Variants in GRID2 observed in about 807,000 individuals in gnomAD.
GRID2 encodes glutamate receptor ionotropic, delta-2.
In GRID2, 33 loss-of-function variants were observed where a neutral mutation model predicts 114.8. The observed-to-expected ratio is 0.29, with a 90% CI of 0.22 to 0.38. GRID2 has a LOEUF of 0.38. Ranked by LOEUF, GRID2 falls within the 10% of genes least tolerant of loss-of-function variation. The pLI, the probability that GRID2 is intolerant of heterozygous loss-of-function variation, is 1.00. For missense variants in GRID2, 1,184 were observed against 1,257.7 expected, an observed-to-expected ratio of 0.94 and a Z score of 0.89; for synonymous variants, 505 against 449.9, an observed-to-expected ratio of 1.12 and a Z score of -1.55.
chr4:93,363,720 T>A (rs1272943141), intron 8 of GRID2, among the ~76,000 whole-genome samples: 1 of 152,092 alleles, frequency 6.6e-6, no homozygotes, highest in African/African-American at 2.4e-5. Context: ...ACCTTAATTA[T>A]GAAAAACAAT....
At chr4:92,644,265 A>C (rs183022532) in intron 2 of GRID2, among the ~76,000 whole-genome samples, 343 of 151,936 alleles carry the variant, frequency 2.3e-3, no homozygotes, top group African/African-American at 7.4e-3. Context: ...TAAATGATAC[A>C]ACATATAAGT....
At chr4:93,369,884 T>C (rs1762705346) in intron 8 of GRID2, among the ~76,000 whole-genome samples, 5 of 152,200 alleles carry the variant, frequency 3.3e-5, no homozygotes, top group Admixed American at 3.3e-4. Context: ...TGTAACACAA[T>C]GAAGCTGTTT....
At chr4:93,187,818 T>C (rs1212939343) in intron 4 of GRID2, among the ~76,000 whole-genome samples, 1 of 152,210 alleles carries the variant, frequency 6.6e-6, no homozygotes, top group Non-Finnish European at 1.5e-5. Flanking sequence ...AAAAAAGTGG[T>C]AACTTGTCCC....
chr4:92,951,840 T>G (rs1388642092), intron 2 of GRID2, among the ~76,000 whole-genome samples: 1 of 152,220 alleles, frequency 6.6e-6, no homozygotes, highest in Non-Finnish European at 1.5e-5. Context: ...TTCAAGTGTT[T>G]AATATGTTTT....
At chr4:93,784,052 A>G (rs1390454748) in intron 1 of GRID2, among the ~76,000 whole-genome samples, 5 of 129,334 alleles carry the variant, frequency 3.9e-5, no homozygotes, top group Non-Finnish European at 7.9e-5. Flanking sequence ...AGCCTGGGCG[A>G]CAGAGCGAGA....
intron 14 of GRID2, among the ~76,000 whole-genome samples, chr4:93,728,309 T>G (rs1483512247): frequency 6.6e-6 from 1 of 152,226 alleles, no homozygotes; most frequent in East Asian, 1.9e-4. Context: ...AGTGAGTTTC[T>G]TAATCCTGAG....
At chr4:92,888,027 A>C (rs1455005796) in intron 2 of GRID2, among the ~76,000 whole-genome samples, 1 of 152,184 alleles carries the variant, frequency 6.6e-6, no homozygotes, top group Non-Finnish European at 1.5e-5. Flanking sequence ...TTAATAAATA[A>C]ATGAGTGTGA....
intron 4 of GRID2, chr4:93,166,175 A>C (rs529763040): frequency 3.0e-4 from 46 of 152,312 alleles, no homozygotes; most frequent in African/African-American, 1.1e-3. Context: ...AGTAAAGATA[A>C]AGTGAATGAA....
chr4:93,153,202 C>T (rs1460444415), intron 4 of GRID2, among the ~76,000 whole-genome samples: 4 of 151,972 alleles, frequency 2.6e-5, no homozygotes, highest in Admixed American at 1.3e-4. Flanking sequence ...AGATGATACA[C>T]CAAGAAACTG....
At chr4:92,724,969 A>T (rs1005869372) in intron 2 of GRID2, among the ~76,000 whole-genome samples, 2 of 152,164 alleles carry the variant, frequency 1.3e-5, no homozygotes, top group African/African-American at 4.8e-5. Flanking sequence ...ACAGTAGCCA[A>T]GAGTGAACCA....
intron 14 of GRID2, among the ~76,000 whole-genome samples, chr4:93,691,080 GT>G (rs1400399034): frequency 6.6e-6 from 1 of 151,192 alleles, no homozygotes; most frequent in Non-Finnish European, 1.5e-5. Context: ...ATAAAAAACT[GT>G]GCAATAGCTT....
At chr4:92,769,300 A>G (rs1437759829) in intron 2 of GRID2, among the ~76,000 whole-genome samples, 3 of 152,180 alleles carry the variant, frequency 2.0e-5, no homozygotes, top group Admixed American at 6.5e-5. Flanking sequence ...CCATGGTCTT[A>G]GGTAGCTTTG....
intron 1 of GRID2, among the ~76,000 whole-genome samples, chr4:92,438,772 T>C (rs199735848): frequency 3.3e-5 from 5 of 152,184 alleles, no homozygotes; most frequent in Non-Finnish European, 7.3e-5. Flanking sequence ...TGATCTGATA[T>C]AACCCTCAAG....
chr4:93,549,443 A>G (rs971066615), intron 13 of GRID2, among the ~76,000 whole-genome samples: 1 of 152,236 alleles, frequency 6.6e-6, no homozygotes. Flanking sequence ...CATTTTCAAC[A>G]AGCTTAAATA....
intron 8 of GRID2, among the ~76,000 whole-genome samples, chr4:93,240,735 T>G (rs1050087569): frequency 6.6e-6 from 1 of 151,498 alleles, no homozygotes; most frequent in Admixed American, 6.6e-5. Flanking sequence ...CCTTCCAAAT[T>G]AAGGTCTTTT....
intron 10 of GRID2, among the ~76,000 whole-genome samples, chr4:93,454,277 G>A (rs1055837305): frequency 2.0e-5 from 3 of 151,996 alleles, no homozygotes; most frequent in African/African-American, 7.2e-5. Flanking sequence ...ATTACCCTGA[G>A]TGCCTACTAT....
intron 1 of GRID2, among the ~76,000 whole-genome samples, chr4:92,567,711 T>C (rs560071895): frequency 6.6e-5 from 10 of 152,182 alleles, no homozygotes; most frequent in Middle Eastern, 3.4e-3. Flanking sequence ...TTGGTATACA[T>C]ACTTTAAGTA....
At chr4:92,896,282 A>T (rs978767749) in intron 2 of GRID2, among the ~76,000 whole-genome samples, 4 of 152,212 alleles carry the variant, frequency 2.6e-5, no homozygotes, top group Non-Finnish European at 5.9e-5. Context: ...GTTGTATTCA[A>T]CGTGATTTCT....
chr4:92,769,155 G>T (rs2149350641), intron 2 of GRID2, among the ~76,000 whole-genome samples: 2 of 152,250 alleles, frequency 1.3e-5, no homozygotes, highest in South Asian at 4.1e-4. Context: ...TTCCAAATGG[G>T]AGAAATTGGC....
Sources: gnomAD v4.1 joint callset for allele counts (sites outside exome capture counted in the v4.1 genomes callset) on GRCh38, gnomAD v4.1.1 for gene constraint, MANE v1.5 for transcripts, NCBI Gene and HGNC (gene_info 2026-07-23, HGNC 2026-07-21) for gene names.